The following MFAP1 variants were observed in gnomAD, a reference collection of about 807,000 sequenced individuals.
MFAP1 encodes the protein microfibril associated protein 1.
MFAP1 carries 18 observed loss-of-function variants against 62.2 expected under a neutral mutation model. The ratio of observed to expected loss-of-function variants is 0.29; its 90% CI spans 0.20 to 0.43. The LOEUF is 0.43. Among genes scored for constraint, MFAP1 ranks in the 20% least tolerant of loss-of-function variants. MFAP1 has a pLI of 1.00. For synonymous variants in MFAP1, 175 were observed against 180.4 expected, an observed-to-expected ratio of 0.97 and a Z score of 0.24; for missense variants, 355 against 559.7, an observed-to-expected ratio of 0.63 and a Z score of 3.69.
At position 43,819,170 on chromosome 15, in the gene MFAP1, G is replaced by C. The variant is rs150921612; in HGVS notation, c.80-1722C>G. The stretch of plus-strand genomic sequence containing the variant: ...ATCGTGCTACTGCACTCCAGCCTGG[G>C]CAACACAGTAAGACTCTGTCTTTAA... On this transcript the variant is annotated intron_variant, in intron 1 of 8. Coordinates refer to ENST00000267812, the MANE Select transcript of MFAP1 (RefSeq NM_005926.3). 2.0e-3 allele frequency among the ~76,000 whole-genome samples: 310 copies of C among 152,102 alleles called. 1 individual carries two copies. Among genetic ancestry groups the C allele is most frequent in the African/African-American group, 7.2e-3 (297 of 41,480 alleles).
intron 1 of MFAP1, 41 bp from the exon 2 acceptor site, chr15:43,817,489 T>C (rs1165139727): frequency 6.2e-7 from 1 of 1,602,058 alleles, no homozygotes; most frequent in Non-Finnish European, 8.6e-7. Flanking sequence ...AGCCTCTTTC[T>C]CAATGTGCTT....
chr15:43,805,764 C>T (rs1340579436), intron 7 of MFAP1, among the ~76,000 whole-genome samples: 1 of 151,744 alleles, frequency 6.6e-6, no homozygotes, highest in East Asian at 1.9e-4. Flanking sequence ...AGGTGCATGC[C>T]ACCACACTCG....
chr15:43,808,618 A>C (rs1394086281), intron 7 of MFAP1, among the ~76,000 whole-genome samples: 1 of 152,254 alleles, frequency 6.6e-6, no homozygotes, highest in Non-Finnish European at 1.5e-5. Context: ...CCGAAGCAGT[A>C]CAAGAAGTAG....
Position 43,809,818 on chromosome 15 carries a change from G to A in MFAP1, c.984C>T (p.Asn328=), listed in dbSNP as rs375666686. Residue 328 remains asparagine (N), a synonymous_variant, in exon 7 of 9, where the codon AAC becomes AAT. Transcript: ENST00000267812. ...ELRANGKVIT[N]KAVKGKYKFL... ...ACTTGTATTTGCCCTTAACAGCTTT[G>A]TTGGTAATGACTTTGCCGTTTGCCC... 8 of 1,614,160 alleles carry A rather than the reference G, an allele frequency of 5.0e-6. No homozygotes were observed. Among genetic ancestry groups the A allele is most frequent in the Non-Finnish European group, 6.8e-6 (8 of 1,180,024 alleles).
chr15:43,814,677 C>T lies in MFAP1; in HGVS notation c.441G>A (p.Arg147=), dbSNP rs148840504. ...CTCGCTGACGCATCATGCCACGCCG[C>T]CGCTCTATTTCCTATCAAGTCATAT... ...EEEIDDEEIE[R]RRGMMRQRAQ... The change falls in exon 4 of 9, where the codon CGG becomes CGA. Residue 147 remains arginine (R), a synonymous_variant. Transcript: ENST00000267812. The T allele has an allele frequency of 7.2e-5, 117 of 1,613,926 alleles. No homozygotes were observed. The African/African-American group carries it at 9.9e-4, about 14-fold the overall frequency.
chr15:43,805,965 CCT>C lies in MFAP1; in HGVS notation c.1048-502_1048-501del, dbSNP rs1309354819. On this transcript the variant is annotated intron_variant, in intron 7 of 8. Transcript: ENST00000267812. ...TTTCTCCTTTTTTTTTTTTTTTTTC[CCT>C]GAGACAGCGTCTCATTCTGATGTCC... Among the ~76,000 whole-genome samples the C allele has an allele frequency of 1.3e-4, 19 of 143,876 alleles. 1 individual carries two copies. The Admixed American group carries it at 1.3e-3, about 10-fold the overall frequency. The allele number at this position is 143,876 out of a possible 152,430, so 94.4% of individuals were successfully genotyped here.
At chr15:43,813,182 T>C (rs2087413280) in intron 5 of MFAP1, 35 bp from the exon 6 acceptor site, 1 of 1,614,124 alleles carries the variant, frequency 6.2e-7, no homozygotes. Flanking sequence ...TGGACTTCCT[T>C]ACTCTCCTCA....
rs1053719159 is a variant in MFAP1, at chr15:43,804,993, T to C, written c.*101A>G. The C allele has an allele frequency of 3.8e-6, 5 of 1,303,612 alleles. No homozygotes were observed. Among genetic ancestry groups the C allele is most frequent in the Non-Finnish European group, 5.3e-6 (5 of 945,584 alleles). 80.8% of individuals were successfully genotyped at this position (1,303,612 alleles called of 1,614,324 possible). ...CACAAGTATAGCAGTAAGTCCAATA[T>C]CTGGATACAGGGGCCAAGGAAACAA... is the stretch of plus-strand genomic sequence containing the variant. On this transcript the variant is annotated 3_prime_UTR_variant, in exon 9 of 9. Transcript: ENST00000267812.
Position 43,820,116 on chromosome 15 carries a change from C to T in MFAP1, c.80-2668G>A, listed in dbSNP as rs2087458538. Among the ~76,000 whole-genome samples the T allele has an allele frequency of 2.0e-5, 3 of 152,076 alleles. No homozygotes were observed. In the South Asian group the frequency reaches 6.2e-4, roughly 32 times the overall value. ...TGAGCGAGATAGCACCACTGCACTC[C>T]AGCTTGGGCAAGAGAGCGAGACTCC... is the stretch of plus-strand genomic sequence containing the variant. On this transcript the variant is annotated intron_variant, in intron 1 of 8. Coordinates refer to ENST00000267812, the MANE Select transcript of MFAP1 (RefSeq NM_005926.3).
chr15:43,805,301 T>C (rs747003578), intron 8 of MFAP1, 25 bp from the exon 9 acceptor site: 1 of 1,600,118 alleles, frequency 6.2e-7, no homozygotes, highest in South Asian at 1.1e-5. Flanking sequence ...GATGATGAGT[T>C]ATACCACCAA....
chr15:43,807,172 G>A (rs1160110371), intron 7 of MFAP1, among the ~76,000 whole-genome samples: 1 of 151,658 alleles, frequency 6.6e-6, no homozygotes, highest in African/African-American at 2.4e-5. Context: ...CCAACATGGA[G>A]AAACCCCGTC....
chr15:43,810,567 C>A lies in MFAP1; in HGVS notation c.888-653G>T, dbSNP rs547843817. On this transcript the variant is annotated intron_variant, in intron 6 of 8. Transcript: ENST00000267812. ...AATTTTTAGTAGAGACGGGGTTTCA[C>A]CGTGTTAGCCAGGATGGTCTCAATC... Among the ~76,000 whole-genome samples, 54 of 151,998 alleles carry A rather than the reference C, an allele frequency of 3.6e-4. No individual in the cohort carries two copies. In the South Asian group the frequency reaches 0.011, roughly 30 times the overall value.
At chr15:43,814,907 A>G (rs143297512) in intron 3 of MFAP1, 38 bp downstream of exon 3, 11 of 1,608,734 alleles carry the variant, frequency 6.8e-6, no homozygotes, top group Non-Finnish European at 9.3e-6. Flanking sequence ...ACTTTTTCTT[A>G]TATCCAGAAA....
rs529635413 is a variant in MFAP1 at position 43,819,425 on chromosome 15, A to T, written c.80-1977T>A. 2.0e-4 allele frequency among the ~76,000 whole-genome samples: 30 copies of T among 152,304 alleles called. No individual in the cohort carries two copies. The South Asian group carries it at 6.2e-3, about 32-fold the overall frequency. On this transcript the variant is annotated intron_variant, in intron 1 of 8. Transcript: ENST00000267812. ...CCAAAGTGCTAGGATTACAGGTGTG[A>T]GCCATCTCTCCTAGCCTACTATTTT... is the stretch of plus-strand genomic sequence containing the variant.
chr15:43,810,094 G>C (rs1030590014), intron 6 of MFAP1, 180 bp from the exon 7 acceptor site: 1 of 677,332 alleles, frequency 1.5e-6, no homozygotes, highest in Non-Finnish European at 2.4e-6. Context: ...TCTTCATTAT[G>C]TTTGCTAGAC....
chr15:43,806,293 C>T (rs1294518233), intron 7 of MFAP1, among the ~76,000 whole-genome samples: 1 of 152,138 alleles, frequency 6.6e-6, no homozygotes, highest in East Asian at 1.9e-4. Flanking sequence ...TTGAAATGCA[C>T]GTCTAAAGTG....
intron 1 of MFAP1, among the ~76,000 whole-genome samples, chr15:43,824,135 T>G (rs961373624): frequency 6.6e-6 from 1 of 151,340 alleles, no homozygotes; most frequent in Non-Finnish European, 1.5e-5. Flanking sequence ...TATTATATTC[T>G]AATCATAATA....
intron 7 of MFAP1, 135 bp from the exon 8 acceptor site, chr15:43,805,600 T>G (rs1230974733): frequency 6.0e-6 from 4 of 665,742 alleles, no homozygotes; most frequent in Non-Finnish European, 9.7e-6. Flanking sequence ...TTACATCTAG[T>G]TGAAGAGATG....
chr15:43,821,264 A>G (rs1380126729), intron 1 of MFAP1, among the ~76,000 whole-genome samples: 1 of 152,194 alleles, frequency 6.6e-6, no homozygotes, highest in Non-Finnish European at 1.5e-5. Context: ...ATGTAAATAG[A>G]GAAATATTTC....
Sources: allele counts gnomAD v4.1 joint callset (sites outside exome capture counted in the v4.1 genomes callset), GRCh38; gene constraint gnomAD v4.1.1; transcripts MANE v1.5; gene names NCBI Gene and HGNC (gene_info 2026-07-23, HGNC 2026-07-21).